Variants in SSBP2 observed in about 807,000 individuals in gnomAD.
The protein encoded by SSBP2 is single-stranded DNA-binding protein 2.
A neutral mutation model predicts 61.8 loss-of-function variants in SSBP2; 17 were observed. The ratio of observed to expected loss-of-function variants is 0.28; its 90% CI spans 0.19 to 0.41. The LOEUF (loss-of-function observed/expected upper bound fraction) is 0.41. Among genes scored for constraint, SSBP2 ranks in the 10% least tolerant of loss-of-function variants. SSBP2 has a pLI of 1.00. For synonymous variants in SSBP2, 139 were observed against 141.3 expected (o/e 0.98, Z 0.12); for missense variants, 310 against 458.7 (o/e 0.68, Z 2.96).
At chr5:81,673,673 G>C (rs1329048225) in intron 1 of SSBP2, among the ~76,000 whole-genome samples, 2 of 152,194 alleles carry the variant, frequency 1.3e-5, no homozygotes, top group Non-Finnish European at 2.9e-5. Flanking sequence ...GGCTGAAAGT[G>C]TCAGTGATGC....
intron 4 of SSBP2, among the ~76,000 whole-genome samples, chr5:81,587,075 G>A (rs988288998): frequency 1.3e-5 from 2 of 151,972 alleles, no homozygotes; most frequent in Admixed American, 6.5e-5. Flanking sequence ...TTTTCCTCTC[G>A]TTTTCCCCTT....
At chr5:81,601,307 C>A (rs1487108811) in intron 4 of SSBP2, among the ~76,000 whole-genome samples, 1 of 152,068 alleles carries the variant, frequency 6.6e-6, no homozygotes, top group Non-Finnish European at 1.5e-5. Flanking sequence ...GGGTTAGGAA[C>A]AAGTTGGTAA....
intron 1 of SSBP2, among the ~76,000 whole-genome samples, chr5:81,696,302 A>G (rs993831163): frequency 2.0e-5 from 3 of 152,150 alleles, no homozygotes. Flanking sequence ...AAGTATAACT[A>G]CTTCAACCCA....
intron 4 of SSBP2, among the ~76,000 whole-genome samples, chr5:81,593,148 G>C (rs553839600): frequency 4.5e-4 from 68 of 152,240 alleles, no homozygotes; most frequent in African/African-American, 1.6e-3. Context: ...GTCCTTAAAG[G>C]ACCTGATGGA....
intron 4 of SSBP2, among the ~76,000 whole-genome samples, chr5:81,579,026 T>C (rs1047931822): frequency 2.0e-5 from 3 of 151,968 alleles, no homozygotes; most frequent in Admixed American, 2.0e-4. Flanking sequence ...CATTAGGCAT[T>C]TTTGAGTAGA....
chr5:81,502,560 C>T (rs890129319), intron 5 of SSBP2, among the ~76,000 whole-genome samples: 1 of 152,150 alleles, frequency 6.6e-6, no homozygotes, highest in Non-Finnish European at 1.5e-5. Context: ...CATAAAAGTC[C>T]AGCCTCTCAC....
At chr5:81,708,642 AACC>A (rs1242278714) in intron 1 of SSBP2, among the ~76,000 whole-genome samples, 1 of 142,658 alleles carries the variant, frequency 7.0e-6, no homozygotes, top group Non-Finnish European at 1.5e-5. Context: ...CATCAGAGAC[AACC>A]AGAAAATTAA....
At chr5:81,442,621 A>G in intron 13 of SSBP2, 32 bp downstream of exon 13, 2 of 1,256,324 alleles carry the variant, frequency 1.6e-6, no homozygotes, top group Non-Finnish European at 2.3e-6. Flanking sequence ...GTCTTCAAAT[A>G]CATTCCAAAA....
At chr5:81,673,264 C>T (rs1751724185) in intron 1 of SSBP2, among the ~76,000 whole-genome samples, 1 of 152,202 alleles carries the variant, frequency 6.6e-6, no homozygotes, top group Non-Finnish European at 1.5e-5. Context: ...ATCAGACTAA[C>T]TCTTTGATTT....
intron 10 of SSBP2, among the ~76,000 whole-genome samples, chr5:81,451,193 T>G (rs1763743362): frequency 6.6e-6 from 1 of 152,150 alleles, no homozygotes; most frequent in South Asian, 2.1e-4. Flanking sequence ...GAGCTGGCAC[T>G]CATGGTGATT....
intron 4 of SSBP2, among the ~76,000 whole-genome samples, chr5:81,608,804 A>G (rs1745143215): frequency 1.3e-5 from 2 of 152,174 alleles, no homozygotes; most frequent in African/African-American, 4.8e-5. Flanking sequence ...ATGCAGAAAT[A>G]GCTATTTTAA....
intron 3 of SSBP2, among the ~76,000 whole-genome samples, chr5:81,633,878 T>C (rs910368008): frequency 6.6e-6 from 1 of 152,272 alleles, no homozygotes; most frequent in African/African-American, 2.4e-5. Context: ...CAAGTAACCA[T>C]TCTCTACTCC....
At chr5:81,750,351 C>A (rs1757659654) in intron 1 of SSBP2, among the ~76,000 whole-genome samples, 1 of 146,014 alleles carries the variant, frequency 6.8e-6, no homozygotes, top group South Asian at 2.1e-4. Flanking sequence ...CACACGCCCT[C>A]CGCGCCCCGC....
chr5:81,661,637 G>A (rs575285294), intron 1 of SSBP2, among the ~76,000 whole-genome samples: 1 of 151,868 alleles, frequency 6.6e-6, no homozygotes, highest in East Asian at 1.9e-4. Flanking sequence ...GTTGGCCATT[G>A]GTATGTTTTA....
intron 1 of SSBP2, among the ~76,000 whole-genome samples, chr5:81,724,346 T>C (rs1306973367): frequency 6.6e-6 from 1 of 152,088 alleles, no homozygotes. Context: ...TAATGATCTT[T>C]TGCATTCTTT....
At chr5:81,617,082 A>G (rs1441425876) in intron 3 of SSBP2, among the ~76,000 whole-genome samples, 4 of 86,380 alleles carry the variant, frequency 4.6e-5, no homozygotes, top group Non-Finnish European at 9.3e-5. Context: ...CTCACCAGCA[A>G]CAGAACAAAG....
Position 81,562,799 on chromosome 5 carries a change from C to A in SSBP2, c.283-49082G>T, listed in dbSNP as rs114492660. Among the ~76,000 whole-genome samples, 1,140 of 152,128 alleles carry A rather than the reference C, an allele frequency of 7.5e-3. 9 individuals are homozygous for A. The highest frequency in any genetic ancestry group is 0.025 in the African/African-American group (1,039 of 41,514). On this transcript the variant is annotated intron_variant, in intron 4 of 16. Coordinates refer to ENST00000320672, the MANE Select transcript of SSBP2 (RefSeq NM_012446.5). ...TTTAAAGGTACCATATTTAACTATA[C>A]CACAAAAATATCATTAAAATATTTT...
At chr5:81,496,434 C>T (rs1767284615) in intron 5 of SSBP2, among the ~76,000 whole-genome samples, 1 of 152,128 alleles carries the variant, frequency 6.6e-6, no homozygotes, top group African/African-American at 2.4e-5. Context: ...CCTGCCTAGG[C>T]CTCCCAAAGT....
chr5:81,745,400 G>A (rs1041967450), intron 1 of SSBP2, among the ~76,000 whole-genome samples: 2 of 152,026 alleles, frequency 1.3e-5, no homozygotes, highest in African/African-American at 4.8e-5. Flanking sequence ...AATACACAAA[G>A]TTTGATCAAA....
Sources: allele counts gnomAD v4.1 joint callset (sites outside exome capture counted in the v4.1 genomes callset), GRCh38; gene constraint gnomAD v4.1.1; transcripts MANE v1.5; gene names NCBI Gene and HGNC (gene_info 2026-07-23, HGNC 2026-07-21).